The following ANOS1 variants were observed in gnomAD, a reference collection of about 807,000 sequenced individuals.
ANOS1 encodes anosmin-1.
In ANOS1, 6 loss-of-function variants were observed where a neutral mutation model predicts 59.0. The observed-to-expected ratio is 0.10, with a 90% CI of 0.06 to 0.20. The LOEUF (loss-of-function observed/expected upper bound fraction) is 0.20, where lower values mean the gene tolerates loss of function less well. Ranked by LOEUF, ANOS1 falls within the 10% of genes least tolerant of loss-of-function variation. ANOS1 has a pLI of 1.00. For synonymous variants in ANOS1, 217 were observed against 223.4 expected (o/e 0.97, Z 0.25); for missense variants, 433 against 542.3 (o/e 0.80, Z 2.00).
intron 2 of ANOS1, among the ~76,000 whole-genome samples, chrX:8,642,483 C>G (rs1392176668): frequency 9.1e-6 from 1 of 109,908 alleles, no homozygotes; most frequent in African/African-American, 3.3e-5. Context: ...AACCAATGAA[C>G]TATTTAAACA....
intron 9 of ANOS1, among the ~76,000 whole-genome samples, chrX:8,551,235 C>A (rs1339160124): frequency 8.9e-6 from 1 of 111,853 alleles, no homozygotes; most frequent in African/African-American, 3.3e-5. Context: ...GACAAGAAGA[C>A]AAGAAAGGAG....
chrX:8,640,441 C>G (rs1164019934), intron 2 of ANOS1, among the ~76,000 whole-genome samples: 1 of 110,937 alleles, frequency 9.0e-6, no homozygotes, highest in Non-Finnish European at 1.9e-5. Flanking sequence ...GCCTACCACA[C>G]TGATGGCCCC....
intron 6 of ANOS1, among the ~76,000 whole-genome samples, chrX:8,570,974 G>C (rs980822656): frequency 1.2e-4 from 13 of 109,254 alleles, no homozygotes; most frequent in South Asian, 4.0e-4. Context: ...AGCTGGGCAG[G>C]GTGGTGCATG....
At chrX:8,623,133 G>C (rs1352511183) in intron 3 of ANOS1, among the ~76,000 whole-genome samples, 1 of 110,913 alleles carries the variant, frequency 9.0e-6, no homozygotes, top group Admixed American at 9.7e-5. Context: ...ATAGTTAGCT[G>C]AAGTAAGATG....
At chrX:8,671,177 A>G (rs1213644674) in intron 2 of ANOS1, among the ~76,000 whole-genome samples, 1 of 111,240 alleles carries the variant, frequency 9.0e-6, no homozygotes, top group African/African-American at 3.3e-5. Context: ...AAAAGACTTG[A>G]TCCTCTAAGG....
chrX:8,691,180 T>C (rs750114191), intron 2 of ANOS1, among the ~76,000 whole-genome samples: 28 of 109,132 alleles, frequency 2.6e-4, no homozygotes, highest in Non-Finnish European at 4.2e-4. Flanking sequence ...TTCAAGTGAT[T>C]CTCCTACCTC....
chrX:8,547,867 C>A (rs956395870), intron 9 of ANOS1, among the ~76,000 whole-genome samples: 2 of 111,033 alleles, frequency 1.8e-5, no homozygotes, highest in African/African-American at 6.6e-5. Flanking sequence ...CAGGCATGCA[C>A]CCCCATGCCC....
chrX:8,702,044 C>T lies in ANOS1; in HGVS notation c.208-2299G>A, dbSNP rs909856528. ...GCCTTAACTCCCAATAATTCCTACA[C>T]ATTCTTAGGATTTGAGCCAATCTCC... On this transcript the variant is annotated intron_variant, in intron 1 of 13. Transcript: ENST00000262648. 2.7e-5 allele frequency among the ~76,000 whole-genome samples: 3 copies of T among 111,364 alleles called. No homozygotes were observed. The Admixed American group carries it at 2.9e-4, about 11-fold the overall frequency.
intron 2 of ANOS1, among the ~76,000 whole-genome samples, chrX:8,683,162 G>C (rs915433252): frequency 2.7e-5 from 3 of 111,395 alleles, no homozygotes; most frequent in African/African-American, 9.8e-5. Context: ...GATAGTAAAT[G>C]CTTCAGTGAT....
chrX:8,646,713 C>T (rs1931763487), intron 2 of ANOS1, among the ~76,000 whole-genome samples: 1 of 109,653 alleles, frequency 9.1e-6, no homozygotes, highest in African/African-American at 3.3e-5. Context: ...GGGTGGATTG[C>T]TTTGAGGTCA....
chrX:8,728,526 A>G (rs1602048676), intron 1 of ANOS1, among the ~76,000 whole-genome samples: 1 of 111,051 alleles, frequency 9.0e-6, no homozygotes, highest in East Asian at 2.9e-4. Flanking sequence ...GGTGTAGAGC[A>G]GGTCTGCACA....
intron 7 of ANOS1, among the ~76,000 whole-genome samples, chrX:8,569,618 A>T (rs751390262): frequency 8.9e-6 from 1 of 112,075 alleles, no homozygotes; most frequent in East Asian, 2.8e-4. Context: ...CTCCAGTCTG[A>T]GAGACAGAGC....
At chrX:8,573,556 C>T (rs1240742761) in intron 6 of ANOS1, among the ~76,000 whole-genome samples, 16 of 111,912 alleles carry the variant, frequency 1.4e-4, no homozygotes, top group Admixed American at 1.2e-3. Context: ...GTGCTGATAA[C>T]TTTCAAATTG....
At chrX:8,688,676 T>C (rs1170684958) in intron 2 of ANOS1, among the ~76,000 whole-genome samples, 1 of 112,196 alleles carries the variant, frequency 8.9e-6, no homozygotes, top group South Asian at 3.7e-4. Flanking sequence ...AAAATTGACA[T>C]GGAAAAGCAG....
chrX:8,709,016 G>C (rs1430959470), intron 1 of ANOS1, among the ~76,000 whole-genome samples: 1 of 110,660 alleles, frequency 9.0e-6, no homozygotes, highest in African/African-American at 3.3e-5. Flanking sequence ...CACAGGAACA[G>C]AAAACCAAAC....
intron 1 of ANOS1, among the ~76,000 whole-genome samples, chrX:8,712,644 G>A (rs1453827199): frequency 8.9e-6 from 1 of 112,439 alleles, no homozygotes; most frequent in African/African-American, 3.2e-5. Flanking sequence ...TCAGAACATG[G>A]TGTTTTGTAA....
At chrX:8,622,385 T>C (rs1354058922) in intron 3 of ANOS1, among the ~76,000 whole-genome samples, 2 of 112,044 alleles carry the variant, frequency 1.8e-5, no homozygotes, top group African/African-American at 3.2e-5. Context: ...GCCATTATTG[T>C]CCTAATTCTG....
chrX:8,554,416 G>A (rs1929908224), intron 8 of ANOS1, among the ~76,000 whole-genome samples: 1 of 110,938 alleles, frequency 9.0e-6, no homozygotes, highest in African/African-American at 3.3e-5. Context: ...AGATAACTAC[G>A]CTTTTCCCAC....
intron 2 of ANOS1, among the ~76,000 whole-genome samples, chrX:8,685,328 T>C (rs959041733): frequency 2.2e-4 from 24 of 109,421 alleles, no homozygotes; most frequent in East Asian, 5.8e-4. Flanking sequence ...AAGCCATTCA[T>C]TATACCTCTC....
Sources: allele counts gnomAD v4.1 joint callset (sites outside exome capture counted in the v4.1 genomes callset), GRCh38; gene constraint gnomAD v4.1.1; transcripts MANE v1.5; gene names NCBI Gene and HGNC (gene_info 2026-07-23, HGNC 2026-07-21).